Variants in EFHC2 observed in about 807,000 individuals in gnomAD.
EFHC2 encodes the protein EF-hand domain containing 2, also known as EF-hand domain-containing family member C2.
In EFHC2, 18 loss-of-function variants were observed where a neutral mutation model predicts 52.7. The observed-to-expected ratio is 0.34, with a 90% CI of 0.24 to 0.51. EFHC2 has a LOEUF of 0.51. Among genes scored for constraint, EFHC2 ranks in the 20% least tolerant of loss-of-function variants. EFHC2 has a pLI of 0.97. For synonymous variants in EFHC2, 203 were observed against 204.1 expected (o/e 0.99, Z 0.04); for missense variants, 513 against 562.5 (o/e 0.91, Z 0.89).
chrX:44,330,697 A>G (rs1028332212), intron 1 of EFHC2, among the ~76,000 whole-genome samples: 2 of 112,021 alleles, frequency 1.8e-5, no homozygotes, highest in Admixed American at 1.9e-4. Context: ...AAATCTTAGT[A>G]AAAAACAATC....
At chrX:44,217,571 T>G (rs2037161312) in intron 11 of EFHC2, among the ~76,000 whole-genome samples, 1 of 111,131 alleles carries the variant, frequency 9.0e-6, no homozygotes, top group Non-Finnish European at 1.9e-5. Context: ...GCTCATTATG[T>G]TAAGTGAAAT....
chrX:44,262,591 T>G (rs764967572), intron 3 of EFHC2, among the ~76,000 whole-genome samples: 40 of 109,313 alleles, frequency 3.7e-4, no homozygotes, highest in African/African-American at 1.3e-3. Context: ...GGTTTGAGAT[T>G]TTATCCTACT....
intron 1 of EFHC2, among the ~76,000 whole-genome samples, chrX:44,326,371 G>A (rs952168628): frequency 3.6e-5 from 4 of 111,134 alleles, no homozygotes; most frequent in Non-Finnish European, 7.5e-5. Context: ...TTTTCAAAAA[G>A]CTAGAAGAGA....
intron 3 of EFHC2, among the ~76,000 whole-genome samples, chrX:44,262,401 C>T (rs1390016998): frequency 9.6e-6 from 1 of 104,248 alleles, no homozygotes; most frequent in African/African-American, 3.5e-5. Flanking sequence ...GTCCCATCTA[C>T]TTGGGAGGCT....
intron 2 of EFHC2, among the ~76,000 whole-genome samples, chrX:44,290,900 G>A (rs1460216758): frequency 1.8e-5 from 2 of 111,126 alleles, no homozygotes; most frequent in African/African-American, 6.6e-5. Flanking sequence ...GCCATCAATA[G>A]TTGTGAAAGT....
chrX:44,290,971 C>T (rs984447183), intron 2 of EFHC2, among the ~76,000 whole-genome samples: 7 of 111,719 alleles, frequency 6.3e-5, no homozygotes, highest in Admixed American at 9.5e-5. Context: ...GTCACTTTCT[C>T]GGGAAGTGAA....
chrX:44,328,228 T>C (rs1334869886), intron 1 of EFHC2, among the ~76,000 whole-genome samples: 1 of 111,731 alleles, frequency 9.0e-6, no homozygotes, highest in East Asian at 2.8e-4. Flanking sequence ...TAGGAGTCTG[T>C]TTTGGAATTC....
At chrX:44,208,449 T>C (rs1164675356) in intron 11 of EFHC2, among the ~76,000 whole-genome samples, 1 of 111,161 alleles carries the variant, frequency 9.0e-6, no homozygotes, top group East Asian at 2.8e-4. Context: ...CGTACACACA[T>C]ACATAAAGAT....
At chrX:44,168,364 C>T (rs1009000359) in intron 13 of EFHC2, among the ~76,000 whole-genome samples, 4 of 110,780 alleles carry the variant, frequency 3.6e-5, no homozygotes, top group African/African-American at 9.9e-5. Flanking sequence ...AACCCCGTCT[C>T]TACTAAAAAT....
At chrX:44,200,284 T>C (rs2036996946) in intron 11 of EFHC2, among the ~76,000 whole-genome samples, 2 of 111,356 alleles carry the variant, frequency 1.8e-5, no homozygotes, top group African/African-American at 6.5e-5. Context: ...CAATTTAAGA[T>C]GAGCTCAGAA....
chrX:44,233,053 C>G (rs1005115174), intron 9 of EFHC2, among the ~76,000 whole-genome samples: 2 of 111,570 alleles, frequency 1.8e-5, no homozygotes, highest in Non-Finnish European at 3.8e-5. Context: ...GTAATTCTAG[C>G]CTTTTCTTCT....
At position 44,302,481 on chromosome X, in the gene EFHC2, T is replaced by C. The variant is rs181782284; in HGVS notation, c.231+10087A>G. On this transcript the variant is annotated intron_variant, in intron 2 of 14. Transcript: ENST00000420999. The stretch of plus-strand genomic sequence containing the variant: ...GGGATTATTTTTATTAAGTGCCTTT[T>C]GAATTTCAAAAGAAGATTAAAGAAA... 9.2e-3 allele frequency among the ~76,000 whole-genome samples: 1,040 copies of C among 112,524 alleles called. 9 individuals are homozygous for C. The highest frequency in any genetic ancestry group is 0.032 in the African/African-American group (994 of 31,055).
chrX:44,152,371 G>A (rs779362380), intron 14 of EFHC2, among the ~76,000 whole-genome samples: 3 of 111,934 alleles, frequency 2.7e-5, no homozygotes, highest in East Asian at 2.8e-4. Flanking sequence ...GTGGAGCTGC[G>A]GAACTATGCT....
chrX:44,238,844 G>A (rs938787593), intron 8 of EFHC2, among the ~76,000 whole-genome samples: 2 of 111,458 alleles, frequency 1.8e-5, no homozygotes, highest in African/African-American at 6.5e-5. Context: ...TTAACATCTT[G>A]TAAATACTTC....
chrX:44,312,767 A>T lies in EFHC2; in HGVS notation c.43-11T>A, dbSNP rs377224231. 3.7e-5 allele frequency: 44 copies of T among 1,174,867 alleles called. No homozygotes were observed. The highest frequency in any genetic ancestry group is 3.8e-5 in the Non-Finnish European group (33 of 879,891). Reference sequence around the variant, plus strand: ...CTTCTCCTTTCCCACCTGTGAACATAAGAGACAACATAAAATAGCCAAAGT... The same window carrying T: ...CTTCTCCTTTCCCACCTGTGAACATTAGAGACAACATAAAATAGCCAAAGT... On this transcript the variant is annotated splice_polypyrimidine_tract_variant and intron_variant, in intron 1 of 14. Transcript: ENST00000420999.
At chrX:44,263,856 A>G (rs1005157138) in intron 3 of EFHC2, among the ~76,000 whole-genome samples, 1 of 112,105 alleles carries the variant, frequency 8.9e-6, no homozygotes, top group Non-Finnish European at 1.9e-5. Flanking sequence ...AGAAATTCAA[A>G]TAAGCAAGTT....
At chrX:44,235,493 TC>T (rs1282738001) in intron 8 of EFHC2, 46 bp from the exon 9 acceptor site, 1 of 1,102,537 alleles carries the variant, frequency 9.1e-7, no homozygotes, top group Non-Finnish European at 1.2e-6. Context: ...CAGGTAATCT[TC>T]CACATATTAT....
chrX:44,297,730 A>C (rs1182354618), intron 2 of EFHC2, among the ~76,000 whole-genome samples: 1 of 77,087 alleles, frequency 1.3e-5, no homozygotes, highest in Non-Finnish European at 2.4e-5. Context: ...CTCCATCTCA[A>C]AAAAAAAAAA....
rs374663444 is a variant in EFHC2, at chrX:44,187,014, G to C, written c.1752-8450C>G. ...CATGCCTGTAATCCCAGCTACTCGG[G>C]AGGCTGAGGTAGGAGGATCATTTGA... On this transcript the variant is annotated intron_variant, in intron 11 of 14. Coordinates refer to ENST00000420999, the MANE Select transcript of EFHC2 (RefSeq NM_025184.4). Among the ~76,000 whole-genome samples the C allele has an allele frequency of 8.5e-5, 9 of 106,244 alleles. No homozygotes were observed. The East Asian group carries it at 2.7e-3, about 32-fold the overall frequency. 92.3% of individuals were successfully genotyped at this position (106,244 alleles called of 115,157 possible).
Sources: gnomAD v4.1 joint callset for allele counts (sites outside exome capture counted in the v4.1 genomes callset) on GRCh38, gnomAD v4.1.1 for gene constraint, MANE v1.5 for transcripts, NCBI Gene and HGNC (gene_info 2026-07-23, HGNC 2026-07-21) for gene names.